CLCN1: variants seen among roughly 807,000 people sequenced by gnomAD.
CLCN1 encodes the protein chloride voltage-gated channel 1, also known as chloride channel protein 1.
In CLCN1, 100 loss-of-function variants were observed where a neutral mutation model predicts 114.5. The observed-to-expected ratio is 0.87, with a 90% CI of 0.74 to 1.03. The LOEUF is 1.03. CLCN1 is among the 50% of genes least tolerant of loss of function. CLCN1 has a pLI of 0.00. For missense variants in CLCN1, 1,188 were observed against 1,250.0 expected, an observed-to-expected ratio of 0.95 and a Z score of 0.75; for synonymous variants, 485 against 487.1, an observed-to-expected ratio of 1.00 and a Z score of 0.06.
chr7:143,322,305 C>G (rs542868174), intron 5 of CLCN1, among the ~76,000 whole-genome samples: 3 of 152,300 alleles, frequency 2.0e-5, no homozygotes, highest in South Asian at 4.2e-4. Flanking sequence ...TTGCTTGAAT[C>G]TGAGAAAACT....
chr7:143,341,230 TAA>T lies in CLCN1; in HGVS notation c.1583-688_1583-687del, dbSNP rs111274385. ...TGGCATTAATACCTAAAGCCCAAGG[TAA>T]AAAAAAAAAATGTTATAACTGAGTT... On this transcript the variant is annotated intron_variant, in intron 14 of 22. Transcript: ENST00000343257. Among the ~76,000 whole-genome samples, 20 of 145,340 alleles carry T rather than the reference TAA, an allele frequency of 1.4e-4. 1 individual carries two copies. The highest frequency in any genetic ancestry group is 4.7e-4 in the African/African-American group (19 of 40,294).
In CLCN1 at chr7:143,320,708, G is replaced by A. The variant is rs779095781; in HGVS notation, c.346G>A (p.Glu116Lys). ...LGQVVRRKLG[E>K]DGIFLVLLGL... The stretch of plus-strand genomic sequence containing the variant: ...ACAGGTGGTGAGAAGAAAATTAGGG[G>A]AAGACGGGATCTTTCTGGTGCTTCT... Residue 116 changes from glutamate to lysine, a missense_variant, in exon 3 of 23, where the codon GAA (glutamate) becomes AAA (lysine). Physicochemically the swap from Glu to Lys is moderately conservative, Grantham distance 56. Coordinates refer to ENST00000343257, the MANE Select transcript of CLCN1 (RefSeq NM_000083.3). 6.2e-7 allele frequency: 1 copy of A among 1,613,638 alleles called. No homozygotes were observed. Among genetic ancestry groups the A allele is most frequent in the South Asian group, 1.1e-5 (1 of 91,060 alleles).
chr7:143,352,075 C>T lies in CLCN1; in HGVS notation c.*110C>T. 1 of 1,385,216 alleles carries T rather than the reference C, an allele frequency of 7.2e-7. No homozygotes were observed. The highest frequency in any genetic ancestry group is 1.2e-5 in the South Asian group (1 of 84,270). 85.8% of individuals were successfully genotyped at this position (1,385,216 alleles called of 1,614,324 possible). ...TGGCGAGGTCATGCCAATGTCGTGG[C>T]CTCTTCCAGGAATTTTTTAATGTGA... On this transcript the variant is annotated 3_prime_UTR_variant, in exon 23 of 23. Coordinates refer to ENST00000343257, the MANE Select transcript of CLCN1 (RefSeq NM_000083.3).
intron 1 of CLCN1, among the ~76,000 whole-genome samples, chr7:143,316,975 G>A (rs1037287024): frequency 6.6e-6 from 1 of 152,156 alleles, no homozygotes; most frequent in African/African-American, 2.4e-5. Context: ...TAAGTGTTAG[G>A]CACCTGGAAA....
At chr7:143,332,564 A>G in intron 11 of CLCN1, 61 bp downstream of exon 11, 1 of 1,530,654 alleles carries the variant, frequency 6.5e-7, no homozygotes, top group Non-Finnish European at 9.1e-7. Flanking sequence ...CTCAGGCTTC[A>G]GAGCATAAGT....
intron 2 of CLCN1, 93 bp from the exon 3 acceptor site, chr7:143,320,553 TTCTCTCTCTCTCTCTCTC>T: frequency 4.5e-6 from 3 of 672,510 alleles, no homozygotes; most frequent in Non-Finnish European, 7.3e-6. Context: ...TTAGCTGCTT[TTCTCTCTCTCTCTCTCTC>T]TCTCTCTCTC....
At chr7:143,325,403 T>A (rs1281144901) in intron 7 of CLCN1, among the ~76,000 whole-genome samples, 2 of 152,028 alleles carry the variant, frequency 1.3e-5, no homozygotes, top group Non-Finnish European at 2.9e-5. Flanking sequence ...TGGAGAAGAG[T>A]TTAAAGTTAA....
rs1802538225 is a variant in CLCN1 at position 143,324,875 on chromosome 7, G to C, written c.853+383G>C. ...CTACACCGATGACATCTCTAACAGG[G>C]GACTCTATGAACTTCCTCCTTCAAG... is the stretch of plus-strand genomic sequence containing the variant. On this transcript the variant is annotated intron_variant, in intron 7 of 22. Coordinates refer to ENST00000343257, the MANE Select transcript of CLCN1 (RefSeq NM_000083.3). The surrounding 1 kb of genome is among the most constrained non-coding windows in gnomAD (Gnocchi z 4.6). 6.6e-6 allele frequency among the ~76,000 whole-genome samples: 1 copy of C among 152,094 alleles called. No homozygotes were observed. Among genetic ancestry groups the C allele is most frequent in the South Asian group, 2.1e-4 (1 of 4,820 alleles).
Position 143,352,064 on chromosome 7 carries a change from C to A in CLCN1, c.*99C>A. The A allele has an allele frequency of 1.3e-6, 2 of 1,494,330 alleles. No individual in the cohort carries two copies. The highest frequency in any genetic ancestry group is 1.4e-5 in the African/African-American group (1 of 72,502). 92.6% of individuals were successfully genotyped at this position (1,494,330 alleles called of 1,614,324 possible). A position where few individuals can be genotyped will look rare whatever the true frequency, so the allele number is the denominator to read the frequency against. On this transcript the variant is annotated 3_prime_UTR_variant, in exon 23 of 23. Transcript: ENST00000343257. ...CGTCCTGAATGTGGCGAGGTCATGC[C>A]AATGTCGTGGCCTCTTCCAGGAATT...
intron 12 of CLCN1, among the ~76,000 whole-genome samples, chr7:143,333,649 A>G (rs193216420): frequency 2.0e-5 from 3 of 152,284 alleles, no homozygotes. Flanking sequence ...TAGATCTTCA[A>G]AAGGGATAAA....
At chr7:143,337,442 A>G (rs940967886) in intron 12 of CLCN1, among the ~76,000 whole-genome samples, 6 of 152,144 alleles carry the variant, frequency 3.9e-5, no homozygotes, top group Non-Finnish European at 2.9e-5. Context: ...CTCATCTCAG[A>G]TCTTCTGGGA....
At chr7:143,331,047 A>C in intron 8 of CLCN1, 150 bp downstream of exon 8, 1 of 1,258,354 alleles carries the variant, frequency 7.9e-7, no homozygotes, top group Non-Finnish European at 1.2e-6. Flanking sequence ...TATGACAAAG[A>C]TATAGGTCAT....
chr7:143,351,809 G>C lies in CLCN1; in HGVS notation c.2811G>C (p.Glu937Asp). The change falls in exon 23 of 23, where the codon GAG becomes GAC. Residue 937 changes from glutamate to aspartate, a missense_variant. Glu to Asp is a conservative substitution (Grantham distance 45). Coordinates refer to ENST00000343257, the MANE Select transcript of CLCN1 (RefSeq NM_000083.3). Reference protein sequence around the residue: ...PETPVPSPSPEPPLSLAPGKV... With the variant: ...PETPVPSPSPDPPLSLAPGKV... Reference sequence around the variant, plus strand: ...CCCCTGTGCCATCTCCTTCCCCAGAGCCCCCTCTCTCCCTGGCCCCAGGCA... The same window carrying C: ...CCCCTGTGCCATCTCCTTCCCCAGACCCCCCTCTCTCCCTGGCCCCAGGCA... The C allele has an allele frequency of 6.2e-7, 1 of 1,614,130 alleles. No homozygotes were observed. Among genetic ancestry groups the C allele is most frequent in the Non-Finnish European group, 8.5e-7 (1 of 1,179,992 alleles).
At chr7:143,342,219 G>A (rs768389462) in intron 15 of CLCN1, 77 bp downstream of exon 15, 23 of 1,515,196 alleles carry the variant, frequency 1.5e-5, no homozygotes, top group Non-Finnish European at 2.1e-5. Flanking sequence ...TGAGCTTAGA[G>A]TTAAAGTTTG....
rs1239594454 is a variant in CLCN1 at position 143,350,419 on chromosome 7, T to A, written c.2451T>A (p.Asp817Glu). Residue 817 changes from aspartate (D) to glutamate (E), a missense_variant, in exon 21 of 23, where the codon GAT becomes GAA. Physicochemically the swap from Asp to Glu is conservative, Grantham distance 45. Transcript: ENST00000343257. The surrounding 1 kb of genome is among the most constrained non-coding windows in gnomAD (Gnocchi z 5.1). Reference sequence around the variant, plus strand: ...AGCTGAGCCAGCCTGTCTGTTTTGATTCCTGCTGTATTGACCAGTCTCCCT... The same window carrying A: ...AGCTGAGCCAGCCTGTCTGTTTTGAATCCTGCTGTATTGACCAGTCTCCCT... The part of the protein sequence containing the change: ...QEQLSQPVCF[D>E]SCCIDQSPFQ... The A allele has an allele frequency of 6.2e-7, 1 of 1,614,236 alleles. No homozygotes were observed. The highest frequency in any genetic ancestry group is 1.3e-5 in the African/African-American group (1 of 75,068).
chr7:143,342,210 G>A (rs919287505), intron 15 of CLCN1, 68 bp downstream of exon 15: 1 of 1,541,284 alleles, frequency 6.5e-7, no homozygotes, highest in African/African-American at 1.4e-5. Flanking sequence ...GGCTGAGACT[G>A]AGCTTAGAGT....
At position 143,320,808 on chromosome 7, in the gene CLCN1, T is replaced by C. The variant is rs765455785; in HGVS notation, c.433+13T>C. On this transcript the variant is annotated intron_variant, in intron 3 of 22. Transcript: ENST00000343257. ...AAAAGCCTTCAGGGTAGGTTTAACCTGGACCTTTGCCCACAGCCGTTTCTG... is the reference window on the plus strand; with the variant it reads ...AAAAGCCTTCAGGGTAGGTTTAACCCGGACCTTTGCCCACAGCCGTTTCTG... 7.4e-6 allele frequency: 12 copies of C among 1,613,848 alleles called. No homozygotes were observed. In the Admixed American group the frequency reaches 1.8e-4, roughly 25 times the overall value.
At chr7:143,345,408 T>C (rs1161682075) in intron 16 of CLCN1, 113 bp from the exon 17 acceptor site, 2 of 1,308,250 alleles carry the variant, frequency 1.5e-6, no homozygotes, top group African/African-American at 1.5e-5. Flanking sequence ...CTGAGAAAGA[T>C]GTGGGGACGC....
At chr7:143,345,911 C>A (rs906711119) in intron 17 of CLCN1, 149 bp downstream of exon 17, 2 of 1,201,080 alleles carry the variant, frequency 1.7e-6, no homozygotes, top group Admixed American at 4.4e-5. Context: ...ACTGAGAAAG[C>A]CAGAAATTCT....
Sources: allele counts gnomAD v4.1 joint callset (sites outside exome capture counted in the v4.1 genomes callset), GRCh38; gene constraint gnomAD v4.1.1; non-coding constraint Gnocchi (gnomAD v3.1); transcripts MANE v1.5; gene names NCBI Gene and HGNC (gene_info 2026-07-23, HGNC 2026-07-21).